Variants in CDK6 observed in about 807,000 individuals in gnomAD.
The protein encoded by CDK6 is cyclin dependent kinase 6.
Under a neutral mutation model 37.1 loss-of-function variants are expected in CDK6, and 6 were observed. The observed-to-expected ratio is 0.16, with a 90% confidence interval of 0.09 to 0.32. The LOEUF (loss-of-function observed/expected upper bound fraction) is 0.32. CDK6 is among the 10% of genes least tolerant of loss of function. The pLI, the probability that CDK6 is intolerant of heterozygous loss-of-function variation, is 1.00. For synonymous variants in CDK6, 160 were observed against 161.3 expected, an observed-to-expected ratio of 0.99 and a Z score of 0.06; for missense variants, 224 against 418.9, an observed-to-expected ratio of 0.53 and a Z score of 4.06.
chr7:92,803,411 A>T (rs1380541055), intron 2 of CDK6, among the ~76,000 whole-genome samples: 1 of 152,220 alleles, frequency 6.6e-6, no homozygotes, highest in Non-Finnish European at 1.5e-5. Context: ...CATGGAGCTG[A>T]TGACAGCCAG....
At chr7:92,793,562 A>AT (rs1562966886) in intron 2 of CDK6, among the ~76,000 whole-genome samples, 1 of 152,156 alleles carries the variant, frequency 6.6e-6, no homozygotes, top group Non-Finnish European at 1.5e-5. Flanking sequence ...AAAAGAATGA[A>AT]ATTGGATCCT....
chr7:92,695,524 C>T (rs918501338), intron 4 of CDK6, among the ~76,000 whole-genome samples: 7 of 152,308 alleles, frequency 4.6e-5, no homozygotes, highest in African/African-American at 1.7e-4. Flanking sequence ...CTAAGAGCAG[C>T]GGCTAAGTTC....
chr7:92,783,514 G>A (rs1413074738), intron 2 of CDK6, among the ~76,000 whole-genome samples: 1 of 152,166 alleles, frequency 6.6e-6, no homozygotes, highest in East Asian at 1.9e-4. Context: ...GCCTTTAAGA[G>A]AGTATTCATA....
At chr7:92,647,764 G>A (rs1167878144) in intron 5 of CDK6, among the ~76,000 whole-genome samples, 2 of 152,196 alleles carry the variant, frequency 1.3e-5, no homozygotes, top group East Asian at 3.8e-4. Context: ...CTTGATGTGT[G>A]TATAATGAAA....
intron 5 of CDK6, among the ~76,000 whole-genome samples, chr7:92,651,591 G>A (rs1285585852): frequency 6.6e-6 from 1 of 152,126 alleles, no homozygotes; most frequent in African/African-American, 2.4e-5. Context: ...GATATTATAA[G>A]GAGCATAATG....
intron 2 of CDK6, among the ~76,000 whole-genome samples, chr7:92,808,860 T>C (rs778977528): frequency 2.6e-5 from 4 of 152,196 alleles, no homozygotes; most frequent in Non-Finnish European, 5.9e-5. Context: ...AAGACTCCAT[T>C]TCAAAGCTAA....
At chr7:92,662,196 G>A (rs759953317) in intron 5 of CDK6, among the ~76,000 whole-genome samples, 8 of 152,188 alleles carry the variant, frequency 5.3e-5, no homozygotes, top group Non-Finnish European at 8.8e-5. Context: ...TCAGAAACTG[G>A]AGGGAAGGAA....
intron 3 of CDK6, among the ~76,000 whole-genome samples, chr7:92,773,296 G>A (rs1799764200): frequency 1.3e-5 from 2 of 152,184 alleles, no homozygotes; most frequent in Admixed American, 6.5e-5. Context: ...TTGATCAAAT[G>A]GCTTTTGAGA....
chr7:92,631,466 T>G (rs1796051106), intron 5 of CDK6, among the ~76,000 whole-genome samples: 1 of 152,188 alleles, frequency 6.6e-6, no homozygotes, highest in Non-Finnish European at 1.5e-5. Flanking sequence ...TTTATTCTCT[T>G]TTTTCCTAAT....
At chr7:92,709,969 G>A (rs1798050820) in intron 4 of CDK6, among the ~76,000 whole-genome samples, 1 of 152,188 alleles carries the variant, frequency 6.6e-6, no homozygotes, top group Non-Finnish European at 1.5e-5. Context: ...AAGGAAAAAT[G>A]CACTGTGCTT....
At chr7:92,758,871 C>T (rs199645294) in intron 3 of CDK6, among the ~76,000 whole-genome samples, 1 of 152,080 alleles carries the variant, frequency 6.6e-6, no homozygotes, top group East Asian at 1.9e-4. Flanking sequence ...AGCTGTATTC[C>T]TAGGTATTTT....
chr7:92,672,192 C>CACACACACAG (rs1562931196), intron 4 of CDK6, among the ~76,000 whole-genome samples: 1 of 88,982 alleles, frequency 1.1e-5, no homozygotes, highest in Non-Finnish European at 2.3e-5. Flanking sequence ...CAGACACATA[C>CACACACACAG]ACACACACAC....
intron 4 of CDK6, chr7:92,725,277 C>G: frequency 1.0e-6 from 1 of 985,432 alleles, no homozygotes; most frequent in Non-Finnish European, 1.2e-6. Flanking sequence ...CGTGCTCTTT[C>G]TTCCCTGACC....
chr7:92,688,238 C>T (rs539671873), intron 4 of CDK6, among the ~76,000 whole-genome samples: 8 of 152,192 alleles, frequency 5.3e-5, no homozygotes, highest in African/African-American at 1.2e-4. Flanking sequence ...ACAGTTTCTC[C>T]GCATCTTGGC....
intron 4 of CDK6, among the ~76,000 whole-genome samples, chr7:92,692,982 T>C (rs1481545970): frequency 6.6e-6 from 1 of 152,244 alleles, no homozygotes; most frequent in Non-Finnish European, 1.5e-5. Context: ...TCATCTCTGG[T>C]ACATCCACAA....
chr7:92,724,008 C>T (rs1278508962), intron 4 of CDK6, among the ~76,000 whole-genome samples: 1 of 151,824 alleles, frequency 6.6e-6, no homozygotes, highest in African/African-American at 2.4e-5. Flanking sequence ...TAAAAGCGTC[C>T]ATCTCAGTTA....
At chr7:92,759,674 G>A (rs1799403685) in intron 3 of CDK6, among the ~76,000 whole-genome samples, 1 of 135,998 alleles carries the variant, frequency 7.4e-6, no homozygotes, top group African/African-American at 2.9e-5. Flanking sequence ...GGCCACAGTA[G>A]GATGGAACAA....
At chr7:92,771,455 TAATTTA>T (rs1453726849) in intron 3 of CDK6, among the ~76,000 whole-genome samples, 3 of 152,152 alleles carry the variant, frequency 2.0e-5, no homozygotes, top group African/African-American at 7.2e-5. Context: ...CTTTGAAAAG[TAATTTA>T]AATTTAAGTA....
At chr7:92,824,680 G>C (rs917256616) in intron 2 of CDK6, among the ~76,000 whole-genome samples, 1 of 152,036 alleles carries the variant, frequency 6.6e-6, no homozygotes. Context: ...CTACCAATCA[G>C]TAATACAGAT....
Sources: gnomAD v4.1 joint callset for allele counts (sites outside exome capture counted in the v4.1 genomes callset) on GRCh38, gnomAD v4.1.1 for gene constraint, MANE v1.5 for transcripts, NCBI Gene and HGNC (gene_info 2026-07-23, HGNC 2026-07-21) for gene names.